The following NLRP13 variants were observed in gnomAD, a reference collection of about 807,000 sequenced individuals.
The protein encoded by NLRP13 is NLR family pyrin domain containing 13, also known as NACHT, LRR and PYD domains-containing protein 13.
Under a neutral mutation model 94.4 loss-of-function variants are expected in NLRP13, and 82 were observed. The ratio of observed to expected loss-of-function variants is 0.87; its 90% confidence interval spans 0.73 to 1.04. The LOEUF is 1.04. Among genes scored for constraint, NLRP13 ranks in the 50% least tolerant of loss-of-function variants. The pLI is 0.00. For missense variants in NLRP13, 1,426 were observed against 1,230.8 expected (o/e 1.16, Z -2.37); for synonymous variants, 553 against 464.7 (o/e 1.19, Z -2.45).
downstream of NLRP13, among the ~76,000 whole-genome samples, chr19:55,895,347 C>T (rs963410818): frequency 5.9e-5 from 9 of 152,084 alleles, no homozygotes; most frequent in Admixed American, 3.3e-4. Context: ...CGCCACTGCA[C>T]TCCAGCCTGG....
At chr19:55,902,469 A>T (rs2123108938) in intron 8 of NLRP13, among the ~76,000 whole-genome samples, 1 of 152,268 alleles carries the variant, frequency 6.6e-6, no homozygotes, top group East Asian at 1.9e-4. Context: ...AAGAAAAAAA[A>T]AACTTTCAAG....
chr19:55,926,479 G>A lies in NLRP13; in HGVS notation c.320-1444C>T, dbSNP rs376131234. Among the ~76,000 whole-genome samples the A allele has an allele frequency of 1.7e-4, 26 of 152,264 alleles. No individual in the cohort carries two copies. The South Asian group carries it at 3.3e-3, about 19-fold the overall frequency. ...GCATTCCTCCATTCTCTGGTGAGGC[G>A]CACTTATCTGAGTATGTTTTAAATG... On this transcript the variant is annotated intron_variant, in intron 1 of 10. Transcript: ENST00000342929.
intron 9 of NLRP13, among the ~76,000 whole-genome samples, chr19:55,899,481 C>G (rs890040041): frequency 1.9e-4 from 29 of 152,042 alleles, no homozygotes; most frequent in African/African-American, 6.8e-4. Flanking sequence ...AACCCACCCC[C>G]CCCATCCCAA....
chr19:55,922,708 C>T (rs967080789), intron 4 of NLRP13, among the ~76,000 whole-genome samples: 1 of 152,170 alleles, frequency 6.6e-6, no homozygotes, highest in African/African-American at 2.4e-5. Flanking sequence ...ACCTTCATTC[C>T]AAGACTCAGC....
rs756382180 is a variant in NLRP13 at position 55,912,786 on chromosome 19, A to G, written c.1031T>C (p.Ile344Thr). The G allele has an allele frequency of 6.2e-7, 1 of 1,614,096 alleles. No individual in the cohort carries two copies. Residue 344 changes from isoleucine (I) to threonine (T), a missense_variant, in exon 5 of 11, where the codon ATC becomes ACC. Transcript: ENST00000342929. ...TTCTTTCTTCAACAAGCTGTGTAGG[A>G]TTTTGGTCACTGGGAGCTCCTGGTA... The part of the protein sequence containing the change: ...DWYQELPVTK[I>T]LHSLLKKELV...
At chr19:55,931,952 T>C in intron 1 of NLRP13, 41 bp downstream of exon 1, 1 of 1,588,096 alleles carries the variant, frequency 6.3e-7, no homozygotes, top group South Asian at 1.1e-5. Context: ...GCCTCAGGAG[T>C]ACCAAGCAGC....
At chr19:55,924,110 T>A (rs943517455) in intron 3 of NLRP13, 131 bp from the exon 4 acceptor site, 8 of 702,944 alleles carry the variant, frequency 1.1e-5, no homozygotes, top group Non-Finnish European at 2.0e-5. Context: ...GAAATCAGCA[T>A]GCCCAGTTTA....
chr19:55,923,844 A>G (rs1052037383), intron 4 of NLRP13, 70 bp downstream of exon 4: 2 of 1,108,476 alleles, frequency 1.8e-6, no homozygotes, highest in Non-Finnish European at 2.8e-6. Flanking sequence ...AGGCAACTCT[A>G]CTATGGACCT....
At chr19:55,904,214 T>C (rs1986271207) in intron 8 of NLRP13, among the ~76,000 whole-genome samples, 1 of 152,168 alleles carries the variant, frequency 6.6e-6, no homozygotes, top group Admixed American at 6.5e-5. Flanking sequence ...TGCCTCTGCC[T>C]CCTGAGTGGC....
rs529020760 is a variant in NLRP13, at chr19:55,896,447, G to A, written c.2958-328C>T. 8.8e-5 allele frequency among the ~76,000 whole-genome samples: 13 copies of A among 148,282 alleles called. No homozygotes were observed. The East Asian group carries it at 2.0e-3, about 23-fold the overall frequency. On this transcript the variant is annotated intron_variant, in intron 10 of 10. Transcript: ENST00000342929. ...TGAGGCAGGAGAATCGCTTGAACCCGGGAGGTGGAGGTTGCAGTGAGCCGA... is the reference window on the plus strand; with the variant it reads ...TGAGGCAGGAGAATCGCTTGAACCCAGGAGGTGGAGGTTGCAGTGAGCCGA...
chr19:55,924,452 A>C, intron 3 of NLRP13, 138 bp downstream of exon 3: 1 of 655,490 alleles, frequency 1.5e-6, no homozygotes, highest in Admixed American at 2.8e-5. Context: ...GAAATACTGG[A>C]AGAACTAGAT....
chr19:55,927,325 G>A (rs1224469821), intron 1 of NLRP13, among the ~76,000 whole-genome samples: 1 of 148,936 alleles, frequency 6.7e-6, no homozygotes, highest in Admixed American at 6.8e-5. Flanking sequence ...CCGAGATCAT[G>A]CCACTGCACT....
intron 7 of NLRP13, among the ~76,000 whole-genome samples, chr19:55,907,055 T>G (rs937286227): frequency 1.3e-5 from 2 of 151,930 alleles, no homozygotes; most frequent in Non-Finnish European, 2.9e-5. Context: ...CGCTCCCGGG[T>G]TCAAGCGAGT....
In NLRP13 at chr19:55,910,566, A is replaced by T. The variant is rs1039700334; in HGVS notation, c.2279T>A (p.Leu760Gln). The T allele has an allele frequency of 5.0e-6, 8 of 1,594,126 alleles. No homozygotes were observed. Among genetic ancestry groups the T allele is most frequent in the Non-Finnish European group, 6.9e-6 (8 of 1,166,268 alleles). ...GCTGCTGGCGTCTCACACTTACGTC[A>T]GTTTCTGGACTTTGCATCTTGGATT... ...LKNPRCKVQKLTCKSVTPEWV... is the reference protein window; with the variant it reads ...LKNPRCKVQKQTCKSVTPEWV... Residue 760 changes from leucine to glutamine, a missense_variant, in exon 6 of 11, where the codon CTG becomes CAG. By Grantham distance (113) the Leu-to-Gln change is moderately radical (BLOSUM62 -2). Transcript: ENST00000342929.
chr19:55,917,475 T>C (rs990833631), intron 4 of NLRP13, among the ~76,000 whole-genome samples: 1 of 152,004 alleles, frequency 6.6e-6, no homozygotes. Flanking sequence ...TCTTAAAAGA[T>C]ATAAATTGGA....
chr19:55,896,309 G>A (rs1157469375), intron 10 of NLRP13, among the ~76,000 whole-genome samples, 190 bp from the exon 11 acceptor site: 4 of 151,976 alleles, frequency 2.6e-5, no homozygotes, highest in Non-Finnish European at 5.9e-5. Context: ...TAGATCATGA[G>A]GTCAAGAGAC....
intron 6 of NLRP13, among the ~76,000 whole-genome samples, chr19:55,908,745 AG>A (rs1173452540): frequency 3.9e-5 from 6 of 152,150 alleles, no homozygotes; most frequent in Admixed American, 2.0e-4. Context: ...ACACATAGTG[AG>A]GAACACTGGG....
intron 10 of NLRP13, among the ~76,000 whole-genome samples, chr19:55,898,085 A>G (rs1191069192): frequency 1.3e-5 from 2 of 152,166 alleles, no homozygotes; most frequent in Admixed American, 6.5e-5. Flanking sequence ...GGCACCCACC[A>G]TGGGCAGATT....
chr19:55,921,989 A>G (rs922388169), intron 4 of NLRP13, among the ~76,000 whole-genome samples: 1 of 152,210 alleles, frequency 6.6e-6, no homozygotes, highest in Non-Finnish European at 1.5e-5. Context: ...AATAAGTTTG[A>G]TGGACTCACA....
Sources: gnomAD v4.1 joint callset for allele counts (sites outside exome capture counted in the v4.1 genomes callset) on GRCh38, gnomAD v4.1.1 for gene constraint, MANE v1.5 for transcripts, NCBI Gene and HGNC (gene_info 2026-07-23, HGNC 2026-07-21) for gene names.